SHISA9: variants seen among roughly 807,000 people sequenced by gnomAD.
SHISA9 encodes the protein shisa family member 9, also known as protein shisa-9.
In SHISA9, 13 loss-of-function variants were observed where a neutral mutation model predicts 38.0. The ratio of observed to expected loss-of-function variants is 0.34; its 90% CI spans 0.22 to 0.54. SHISA9 has a LOEUF of 0.54. SHISA9 is among the 20% of genes least tolerant of loss of function. The pLI is 0.91. For missense variants in SHISA9, 538 were observed against 575.8 expected (o/e 0.93, Z 0.67); for synonymous variants, 275 against 242.0 (o/e 1.14, Z -1.27).
chr16:13,352,780 G>T, the SHISA9 span, among the ~76,000 whole-genome samples: 1 of 149,778 alleles, frequency 6.7e-6, no homozygotes, highest in African/African-American at 2.5e-5. Flanking sequence ...TTCTCTGGCG[G>T]GCAGGAGTGG....
chr16:13,264,293 G>C, the SHISA9 span, among the ~76,000 whole-genome samples: 3 of 150,780 alleles, frequency 2.0e-5, no homozygotes, highest in Non-Finnish European at 4.4e-5. Context: ...TTGTGCCTCA[G>C]CCTCCCAAAT....
intron 2 of SHISA9, among the ~76,000 whole-genome samples, chr16:13,064,780 A>G (rs982511965): frequency 1.4e-5 from 2 of 145,370 alleles, no homozygotes; most frequent in African/African-American, 5.3e-5. Flanking sequence ...TAAAAGTTGT[A>G]AGGCAAAAAA....
intron 2 of SHISA9, among the ~76,000 whole-genome samples, chr16:12,971,088 C>T (rs4781367): frequency 0.74 from 112,929 of 152,102 alleles, 42,098 homozygotes; most frequent in African/African-American, 0.78. Context: ...ACCTGGGATC[C>T]TGGCAGGAAG....
chr16:13,420,908 T>C, the SHISA9 span, among the ~76,000 whole-genome samples: 1 of 152,198 alleles, frequency 6.6e-6, no homozygotes, highest in African/African-American at 2.4e-5. Context: ...ACTCAAGAGA[T>C]GATGGTATTA....
chr16:13,077,636 C>A (rs1015886029), intron 2 of SHISA9, among the ~76,000 whole-genome samples: 4 of 152,170 alleles, frequency 2.6e-5, no homozygotes, highest in Non-Finnish European at 5.9e-5. Context: ...GTAGCCTGCT[C>A]CACCTTGCCT....
intron 2 of SHISA9, among the ~76,000 whole-genome samples, chr16:13,019,878 CCCTCCCTTCTTTCTTTCTTT>C (rs1310350647): frequency 0.017 from 552 of 31,934 alleles, 33 homozygotes; most frequent in Non-Finnish European, 0.021. Flanking sequence ...CTCCCTCCCT[CCCTCCCTTCTTTCTTTCTTT>C]CTTTCTTTCT....
intron 2 of SHISA9, among the ~76,000 whole-genome samples, chr16:13,052,739 C>G (rs966167428): frequency 2.0e-5 from 3 of 152,082 alleles, no homozygotes; most frequent in Admixed American, 2.0e-4. Flanking sequence ...AGCCAAACCT[C>G]AAACATACTA....
the SHISA9 span, among the ~76,000 whole-genome samples, chr16:13,277,212 A>G: frequency 6.6e-6 from 1 of 152,086 alleles, no homozygotes; most frequent in African/African-American, 2.4e-5. Context: ...TTTGTTGAAG[A>G]TCAGTTGGCT....
the SHISA9 span, among the ~76,000 whole-genome samples, chr16:13,557,856 G>T: frequency 6.6e-6 from 1 of 151,926 alleles, no homozygotes; most frequent in South Asian, 2.1e-4. Context: ...TCCAGCCACC[G>T]CAGCCTCAGG....
intron 4 of SHISA9, among the ~76,000 whole-genome samples, chr16:13,215,119 A>G (rs2051155939): frequency 3.9e-5 from 6 of 152,198 alleles, no homozygotes; most frequent in Admixed American, 3.9e-4. Flanking sequence ...TGGAAGGATC[A>G]TTGAGAGACT....
chr16:13,154,019 T>A (rs1596686616), intron 2 of SHISA9, among the ~76,000 whole-genome samples: 1 of 152,034 alleles, frequency 6.6e-6, no homozygotes, highest in South Asian at 2.1e-4. Flanking sequence ...CCATCTAGCT[T>A]GTGTCTCTGG....
intron 2 of SHISA9, among the ~76,000 whole-genome samples, chr16:13,084,595 G>T (rs1399517569): frequency 6.6e-6 from 1 of 152,188 alleles, no homozygotes; most frequent in Non-Finnish European, 1.5e-5. Context: ...TTACAGTCCA[G>T]TGGGAAAGGC....
chr16:13,289,676 A>AAG, the SHISA9 span, among the ~76,000 whole-genome samples: 16 of 150,050 alleles, frequency 1.1e-4, no homozygotes, highest in South Asian at 2.1e-4. Context: ...GAGAGAGAGA[A>AAG]AGAGAGAGAG....
intron 2 of SHISA9, among the ~76,000 whole-genome samples, chr16:13,036,708 A>G (rs6498377): frequency 0.78 from 117,712 of 151,290 alleles, 46,276 homozygotes; most frequent in African/African-American, 0.89. Flanking sequence ...GGAGAATGAT[A>G]TATGGGTTGA....
At chr16:13,078,066 A>G (rs1165963160) in intron 2 of SHISA9, among the ~76,000 whole-genome samples, 1 of 152,218 alleles carries the variant, frequency 6.6e-6, no homozygotes, top group Non-Finnish European at 1.5e-5. Flanking sequence ...ATGCAGTTGG[A>G]ATTAAAACAG....
At chr16:13,147,461 CTTTTTTTTTT>C (rs55972023) in intron 2 of SHISA9, among the ~76,000 whole-genome samples, 1 of 65,084 alleles carries the variant, frequency 1.5e-5, no homozygotes, top group African/African-American at 5.5e-5. Flanking sequence ...GTAAACTGAG[CTTTTTTTTTT>C]TTTTTTTTTT....
At chr16:13,540,426 C>G in the SHISA9 span, among the ~76,000 whole-genome samples, 2 of 152,224 alleles carry the variant, frequency 1.3e-5, no homozygotes, top group African/African-American at 2.4e-5. Flanking sequence ...ATAAATACCC[C>G]AGCTCCCTTT....
At chr16:13,152,037 G>A (rs190847940) in intron 2 of SHISA9, among the ~76,000 whole-genome samples, 190 of 152,288 alleles carry the variant, frequency 1.2e-3, no homozygotes, top group African/African-American at 4.3e-3. Context: ...AGATTAAATT[G>A]TGTGAGAAGA....
intron 2 of SHISA9, among the ~76,000 whole-genome samples, chr16:12,958,842 A>G (rs1019196878): frequency 6.6e-6 from 1 of 152,166 alleles, no homozygotes; most frequent in African/African-American, 2.4e-5. Flanking sequence ...AATGCTGCAT[A>G]ACAAATACTC....
Sources: allele counts gnomAD v4.1 joint callset (sites outside exome capture counted in the v4.1 genomes callset), GRCh38; gene constraint gnomAD v4.1.1; transcripts MANE v1.5; gene names NCBI Gene and HGNC (gene_info 2026-07-23, HGNC 2026-07-21).